Variants in HSD17B2 observed in about 807,000 individuals in gnomAD.
HSD17B2 encodes hydroxysteroid 17-beta dehydrogenase 2, also known as 17-beta-hydroxysteroid dehydrogenase type 2.
A neutral mutation model predicts 26.9 loss-of-function variants in HSD17B2; 32 were observed. The observed-to-expected ratio is 1.19, with a 90% CI of 0.90 to 1.60. The LOEUF is 1.60. Among genes scored for constraint, HSD17B2 ranks in the 40% most tolerant of loss-of-function variants. The pLI, the probability that HSD17B2 is intolerant of heterozygous loss-of-function variation, is 0.00. For synonymous variants in HSD17B2, 246 were observed against 186.7 expected (o/e 1.32, Z -2.59); for missense variants, 613 against 468.6 (o/e 1.31, Z -2.85).
intron 3 of HSD17B2, among the ~76,000 whole-genome samples, chr16:82,084,035 G>A (rs1904452068): frequency 6.6e-6 from 1 of 152,184 alleles, no homozygotes; most frequent in Non-Finnish European, 1.5e-5. Flanking sequence ...GCAATTGCAT[G>A]CTATGCTCAA....
chr16:82,085,726 G>C (rs1046031328), intron 3 of HSD17B2, among the ~76,000 whole-genome samples: 4 of 152,154 alleles, frequency 2.6e-5, no homozygotes, highest in Non-Finnish European at 5.9e-5. Flanking sequence ...GACTGGGTTG[G>C]TCTGGGTGGA....
intron 3 of HSD17B2, among the ~76,000 whole-genome samples, chr16:82,087,014 C>T (rs1904547147): frequency 6.6e-6 from 1 of 152,152 alleles, no homozygotes; most frequent in African/African-American, 2.4e-5. Context: ...CCTCATCTTT[C>T]TGATCTCATT....
At chr16:82,084,998 A>G (rs1339140705) in intron 3 of HSD17B2, among the ~76,000 whole-genome samples, 2 of 152,234 alleles carry the variant, frequency 1.3e-5, no homozygotes, top group Admixed American at 1.3e-4. Context: ...TATTGGGATC[A>G]TAGGCATGAG....
intron 4 of HSD17B2, 25 bp downstream of exon 4, chr16:82,091,064 G>C (rs1478631898): frequency 1.2e-6 from 2 of 1,612,750 alleles, no homozygotes; most frequent in African/African-American, 1.3e-5. Flanking sequence ...CCAAGAACCT[G>C]TGATGTTCAT....
intron 4 of HSD17B2, chr16:82,093,088 T>C (rs1904739795): frequency 6.6e-6 from 1 of 152,128 alleles, no homozygotes; most frequent in African/African-American, 2.4e-5. Flanking sequence ...AATCGAGAAA[T>C]ATATAAACAG....
rs1307872354 is a variant in HSD17B2, at chr16:82,035,461, C to G, written c.37C>G (p.Leu13Val). The G allele has an allele frequency of 1.9e-6, 3 of 1,613,814 alleles. No homozygotes were observed. The highest frequency in any genetic ancestry group is 2.5e-6 in the Non-Finnish European group (3 of 1,179,936). Residue 13 changes from leucine to valine, a missense_variant, in exon 1 of 5, where the codon CTG (leucine) becomes GTG (valine). Leu to Val is a conservative substitution (Grantham distance 32, BLOSUM62 1). Transcript: ENST00000199936. ...TFFSDTAWIC[L>V]AVPTVLCGTV... Reference sequence around the variant, plus strand: ...CTTCTCGGACACAGCATGGATCTGCCTGGCTGTCCCCACAGTACTATGTGG... The same window carrying G: ...CTTCTCGGACACAGCATGGATCTGCGTGGCTGTCCCCACAGTACTATGTGG...
At chr16:82,039,761 C>G (rs7185037) in intron 1 of HSD17B2, among the ~76,000 whole-genome samples, 5 of 152,130 alleles carry the variant, frequency 3.3e-5, no homozygotes, top group Non-Finnish European at 7.3e-5. Context: ...CCAGTCATCT[C>G]AAATATTGAG....
chr16:82,061,788 A>G (rs1423994713), intron 1 of HSD17B2, among the ~76,000 whole-genome samples: 1 of 152,156 alleles, frequency 6.6e-6, no homozygotes, highest in African/African-American at 2.4e-5. Context: ...ATTGACTGTG[A>G]GCTTTTATTT....
At chr16:82,074,411 A>G (rs1313546581) in intron 3 of HSD17B2, among the ~76,000 whole-genome samples, 1 of 152,236 alleles carries the variant, frequency 6.6e-6, no homozygotes, top group African/African-American at 2.4e-5. Flanking sequence ...ACAAGAAATC[A>G]AGTAACAATA....
intron 1 of HSD17B2, 126 bp downstream of exon 1, chr16:82,035,815 C>T (rs1913610066): frequency 2.9e-6 from 3 of 1,020,932 alleles, no homozygotes; most frequent in Non-Finnish European, 4.3e-6. Flanking sequence ...AGCCCTCACC[C>T]AAGTATTTTT....
chr16:82,051,905 T>C (rs1028457759), intron 1 of HSD17B2, among the ~76,000 whole-genome samples: 4 of 152,190 alleles, frequency 2.6e-5, no homozygotes, highest in African/African-American at 7.2e-5. Context: ...CTGTGTAATC[T>C]TCCCTGCTCT....
intron 1 of HSD17B2, among the ~76,000 whole-genome samples, chr16:82,036,122 T>C (rs1913617444): frequency 6.6e-6 from 1 of 152,152 alleles, no homozygotes; most frequent in Non-Finnish European, 1.5e-5. Flanking sequence ...GTTCTACTTG[T>C]CCCTTGCTGT....
At chr16:82,074,580 T>C (rs1914770322) in intron 3 of HSD17B2, among the ~76,000 whole-genome samples, 1 of 151,972 alleles carries the variant, frequency 6.6e-6, no homozygotes, top group African/African-American at 2.4e-5. Context: ...GATTTCAAGA[T>C]CAAAACCGTA....
chr16:82,071,611 C>T (rs1445945460), intron 3 of HSD17B2: 1 of 257,970 alleles, frequency 3.9e-6, no homozygotes, highest in Non-Finnish European at 7.6e-6. Context: ...CAGCCTCAAT[C>T]CAGCTAGGTC....
chr16:82,054,382 T>C (rs527838695), intron 1 of HSD17B2, among the ~76,000 whole-genome samples: 13 of 152,224 alleles, frequency 8.5e-5, no homozygotes, highest in Middle Eastern at 3.4e-3. Flanking sequence ...TCTCGCTGTG[T>C]CACCCAGGCT....
chr16:82,058,104 C>G (rs538929970), intron 1 of HSD17B2, among the ~76,000 whole-genome samples: 15 of 144,240 alleles, frequency 1.0e-4, no homozygotes, highest in African/African-American at 2.6e-4. Flanking sequence ...TAGGGTTTTG[C>G]TCTGTCGCCT....
chr16:82,054,303 A>G (rs970514048), intron 1 of HSD17B2, among the ~76,000 whole-genome samples: 1 of 152,104 alleles, frequency 6.6e-6, no homozygotes, highest in African/African-American at 2.4e-5. Flanking sequence ...CTCCTCTGTC[A>G]TCACAGACAT....
intron 3 of HSD17B2, among the ~76,000 whole-genome samples, chr16:82,086,415 T>C (rs1904528791): frequency 6.6e-6 from 1 of 152,176 alleles, no homozygotes; most frequent in Non-Finnish European, 1.5e-5. Flanking sequence ...AGCTTCAGAA[T>C]GGTAACTTCA....
At position 82,041,267 on chromosome 16, in the gene HSD17B2, G is replaced by C. The variant is rs373345184; in HGVS notation, c.265+5578G>C. 4.6e-5 allele frequency among the ~76,000 whole-genome samples: 7 copies of C among 152,344 alleles called. No individual in the cohort carries two copies. The East Asian group carries it at 1.4e-3, about 29-fold the overall frequency. ...GTGTTAATGAGCGAATGCACAGTGAGTGAACCAACCATGTGGGTGAAACGT... is the reference window on the plus strand; with the variant it reads ...GTGTTAATGAGCGAATGCACAGTGACTGAACCAACCATGTGGGTGAAACGT... On this transcript the variant is annotated intron_variant, in intron 1 of 4. Transcript: ENST00000199936.
Sources: allele counts gnomAD v4.1 joint callset (sites outside exome capture counted in the v4.1 genomes callset), GRCh38; gene constraint gnomAD v4.1.1; transcripts MANE v1.5; gene names NCBI Gene and HGNC (gene_info 2026-07-23, HGNC 2026-07-21).